The following CNTNAP2 variants were observed in gnomAD, a reference collection of about 807,000 sequenced individuals.
CNTNAP2 encodes the protein contactin-associated protein-like 2.
A neutral mutation model predicts 155.2 loss-of-function variants in CNTNAP2; 98 were observed. That is an observed-to-expected ratio of 0.63 (90% CI 0.54 to 0.75). CNTNAP2 has a LOEUF of 0.75. Ranked by LOEUF, CNTNAP2 falls within the 30% of genes least tolerant of loss-of-function variation. The pLI is 0.00. For synonymous variants in CNTNAP2, 651 were observed against 631.2 expected, an observed-to-expected ratio of 1.03 and a Z score of -0.47; for missense variants, 1,727 against 1,688.1, an observed-to-expected ratio of 1.02 and a Z score of -0.40.
chr7:148,199,761 G>A (rs1198527695), intron 18 of CNTNAP2, among the ~76,000 whole-genome samples: 2 of 152,214 alleles, frequency 1.3e-5, no homozygotes, highest in South Asian at 2.1e-4. Flanking sequence ...TGAACCAGTA[G>A]GATAGAGAGA....
intron 21 of CNTNAP2, among the ~76,000 whole-genome samples, chr7:148,341,444 T>C (rs1027957719): frequency 7.9e-5 from 12 of 152,210 alleles, no homozygotes; most frequent in Admixed American, 7.9e-4. Flanking sequence ...CTCAAAAGTC[T>C]ATTGCTTACT....
intron 1 of CNTNAP2, among the ~76,000 whole-genome samples, chr7:146,574,805 T>C (rs1798498320): frequency 6.6e-6 from 1 of 152,172 alleles, no homozygotes; most frequent in African/African-American, 2.4e-5. Context: ...TTTCTTACTT[T>C]CTTCTTCATT....
chr7:148,147,832 T>C (rs377231930), intron 17 of CNTNAP2, 123 bp downstream of exon 17: 10 of 973,896 alleles, frequency 1.0e-5, no homozygotes, highest in East Asian at 2.6e-5. Flanking sequence ...AAAGTAAAGG[T>C]GTTGGCCTCT....
chr7:147,851,963 T>G (rs926013633), intron 13 of CNTNAP2, among the ~76,000 whole-genome samples: 1 of 152,142 alleles, frequency 6.6e-6, no homozygotes, highest in South Asian at 2.1e-4. Flanking sequence ...AAAAAATCAC[T>G]GTATTCCTTG....
chr7:146,245,454 G>A (rs1240342523), intron 1 of CNTNAP2, among the ~76,000 whole-genome samples: 4 of 152,236 alleles, frequency 2.6e-5, no homozygotes, highest in South Asian at 2.1e-4. Flanking sequence ...AAAGTATTAG[G>A]GCGGCAGCAG....
chr7:147,551,836 G>C (rs1440974635), intron 11 of CNTNAP2, among the ~76,000 whole-genome samples: 2 of 152,084 alleles, frequency 1.3e-5, no homozygotes, highest in African/African-American at 4.8e-5. Context: ...TGACTGAAGA[G>C]CTCTGAAATC....
chr7:148,133,956 C>T (rs74804627), intron 16 of CNTNAP2: 2 of 152,070 alleles, frequency 1.3e-5, no homozygotes, highest in Non-Finnish European at 1.5e-5. Context: ...ACAGCATAGG[C>T]AAATGCAGGT....
chr7:148,315,989 C>T (rs1057341405), intron 21 of CNTNAP2, among the ~76,000 whole-genome samples: 5 of 151,734 alleles, frequency 3.3e-5, no homozygotes, highest in Non-Finnish European at 5.9e-5. Flanking sequence ...TACTTTTTGC[C>T]GGACTTAGTA....
At chr7:148,343,729 A>C (rs1798274183) in intron 21 of CNTNAP2, among the ~76,000 whole-genome samples, 1 of 152,240 alleles carries the variant, frequency 6.6e-6, no homozygotes, top group Non-Finnish European at 1.5e-5. Flanking sequence ...GACTGGCAAA[A>C]GGATGATTGA....
intron 11 of CNTNAP2, among the ~76,000 whole-genome samples, chr7:147,520,811 G>A (rs907812402): frequency 3.9e-5 from 6 of 152,150 alleles, no homozygotes; most frequent in Non-Finnish European, 7.3e-5. Context: ...TTTTCAGGGT[G>A]TTTTCTTCCT....
At chr7:147,491,921 A>T (rs1285565263) in intron 11 of CNTNAP2, among the ~76,000 whole-genome samples, 3 of 152,204 alleles carry the variant, frequency 2.0e-5, no homozygotes, top group Non-Finnish European at 4.4e-5. Context: ...AGCAAAAAAA[A>T]TCTACATATT....
Position 147,107,236 on chromosome 7 carries a change from C to T in CNTNAP2, c.551-911C>T, listed in dbSNP as rs140098661. ...TGAATCATTCTATGAATCGAGAATG[C>T]ATTGACCAATAGTGCCTAATAAATA... On this transcript the variant is annotated intron_variant, in intron 4 of 23. Coordinates refer to ENST00000361727, the MANE Select transcript of CNTNAP2 (RefSeq NM_014141.6). Among the ~76,000 whole-genome samples, 1,131 of 152,232 alleles carry T rather than the reference C, an allele frequency of 7.4e-3. 8 individuals are homozygous for T. Among genetic ancestry groups the T allele is most frequent in the African/African-American group, 0.025 (1,058 of 41,560 alleles).
chr7:147,074,976 G>A (rs946894264), intron 4 of CNTNAP2, among the ~76,000 whole-genome samples: 7 of 152,104 alleles, frequency 4.6e-5, no homozygotes, highest in Admixed American at 1.3e-4. Flanking sequence ...TGTGGATGAG[G>A]ATTAAATTGA....
At chr7:147,387,068 C>T (rs201644853) in intron 9 of CNTNAP2, among the ~76,000 whole-genome samples, 2 of 152,002 alleles carry the variant, frequency 1.3e-5, no homozygotes, top group African/African-American at 2.4e-5. Flanking sequence ...TTCACCATCA[C>T]GGGAATAGCA....
intron 1 of CNTNAP2, among the ~76,000 whole-genome samples, chr7:146,761,720 C>T (rs1802104473): frequency 6.6e-6 from 1 of 151,888 alleles, no homozygotes; most frequent in African/African-American, 2.4e-5. Context: ...CTTACCTTGC[C>T]TCCTCCCTTT....
chr7:147,958,875 T>C (rs974215611), intron 14 of CNTNAP2, among the ~76,000 whole-genome samples: 6 of 152,160 alleles, frequency 3.9e-5, no homozygotes, highest in African/African-American at 1.2e-4. Context: ...CCTGGCACTA[T>C]TGCTAAATAC....
At chr7:146,916,556 G>A (rs560081202) in intron 3 of CNTNAP2, among the ~76,000 whole-genome samples, 5 of 152,116 alleles carry the variant, frequency 3.3e-5, no homozygotes, top group African/African-American at 9.6e-5. Flanking sequence ...GTTTAATCTA[G>A]GAGGGTTGTA....
chr7:148,141,842 G>A (rs1805078791), intron 16 of CNTNAP2, among the ~76,000 whole-genome samples: 1 of 152,152 alleles, frequency 6.6e-6, no homozygotes, highest in African/African-American at 2.4e-5. Flanking sequence ...GAGTTATTTG[G>A]GTAAAGTGAA....
intron 15 of CNTNAP2, among the ~76,000 whole-genome samples, chr7:147,984,864 CAACACT>C (rs1801589147): frequency 6.6e-6 from 1 of 152,044 alleles, no homozygotes. Flanking sequence ...CCTGTAATCC[CAACACT>C]TTGGGAGGCT....
Sources: gnomAD v4.1 joint callset for allele counts (sites outside exome capture counted in the v4.1 genomes callset) on GRCh38, gnomAD v4.1.1 for gene constraint, MANE v1.5 for transcripts, NCBI Gene and HGNC (gene_info 2026-07-23, HGNC 2026-07-21) for gene names.